The following STX11 variants were observed in gnomAD, a reference collection of about 807,000 sequenced individuals.
STX11 encodes syntaxin 11.
STX11 carries 21 observed loss-of-function variants against 19.9 expected under a neutral mutation model. That is an observed-to-expected ratio of 1.06 (90% confidence interval 0.75 to 1.52). The LOEUF (loss-of-function observed/expected upper bound fraction) is 1.52, where lower values mean the gene tolerates loss of function less well. STX11 is among the 40% of genes most tolerant of loss of function. The pLI is 0.00. For missense variants in STX11, 438 were observed against 405.9 expected (o/e 1.08, Z -0.68); for synonymous variants, 193 against 174.4 (o/e 1.11, Z -0.84).
At chr6:144,143,618 C>T in the STX11 span, among the ~76,000 whole-genome samples, 1 of 152,160 alleles carries the variant, frequency 6.6e-6, no homozygotes, top group African/African-American at 2.4e-5. Flanking sequence ...TCATTCCCTG[C>T]CCCTGTCCTC....
upstream of STX11, among the ~76,000 whole-genome samples, chr6:144,147,306 A>C (rs1800894095): frequency 6.6e-6 from 1 of 152,084 alleles, no homozygotes; most frequent in East Asian, 1.9e-4. This position sits in a 1 kb window ranked among gnomAD's most constrained non-coding sequence, Gnocchi z 4.2. Context: ...CAAGCTCACC[A>C]CTGACCTCCA....
At chr6:144,141,159 A>G in the STX11 span, among the ~76,000 whole-genome samples, 7 of 152,250 alleles carry the variant, frequency 4.6e-5, no homozygotes, top group Non-Finnish European at 8.8e-5. Flanking sequence ...AGTTGCAGAA[A>G]AATTGGTTTC....
rs1270968464 is a variant in STX11, at chr6:144,160,491, T to A, written c.-6+9788T>A. On this transcript the variant is annotated intron_variant, in intron 1 of 1. Transcript: ENST00000367568. The surrounding 1 kb of genome is among the most constrained non-coding windows in gnomAD (Gnocchi z 4.3). ...AATATATAAGTTAACAGGCAAATCT[T>A]GGGTTGAAAAAGTACCAGATTCGTT... 6.6e-6 allele frequency among the ~76,000 whole-genome samples: 1 copy of A among 152,208 alleles called. No homozygotes were observed. Among genetic ancestry groups the A allele is most frequent in the Admixed American group, 6.5e-5 (1 of 15,280 alleles).
chr6:144,187,692 T>C lies in STX11; in HGVS notation c.*201T>C. 1 of 690,084 alleles carries C rather than the reference T, an allele frequency of 1.4e-6. No individual in the cohort carries two copies. Among genetic ancestry groups the C allele is most frequent in the South Asian group, 1.9e-5 (1 of 52,626 alleles). The allele number at this position is 690,084 out of a possible 1,614,324, so 42.7% of individuals were successfully genotyped here. ...GTTAGTTGATACCGTCCGATGATTCTTCAGTAAAGATAGATTCCCACAAAG... is the reference window on the plus strand; with the variant it reads ...GTTAGTTGATACCGTCCGATGATTCCTCAGTAAAGATAGATTCCCACAAAG... On this transcript the variant is annotated 3_prime_UTR_variant, in exon 2 of 2. Coordinates refer to ENST00000367568, the MANE Select transcript of STX11 (RefSeq NM_003764.4). This position sits in a 1 kb window ranked among gnomAD's most constrained non-coding sequence, Gnocchi z 5.6.
At chr6:144,166,708 T>C (rs1801490850) in intron 1 of STX11, among the ~76,000 whole-genome samples, 1 of 152,016 alleles carries the variant, frequency 6.6e-6, no homozygotes, top group Non-Finnish European at 1.5e-5. Flanking sequence ...GTATTTTTAG[T>C]AGACCCGGGA....
chr6:144,187,501 C>G lies in STX11; in HGVS notation c.*10C>G. The G allele has an allele frequency of 6.2e-7, 1 of 1,611,596 alleles. No individual in the cohort carries two copies. Among genetic ancestry groups the G allele is most frequent in the Admixed American group, 1.7e-5 (1 of 60,014 alleles). On this transcript the variant is annotated 3_prime_UTR_variant, in exon 2 of 2. Transcript: ENST00000367568. This position sits in a 1 kb window ranked among gnomAD's most constrained non-coding sequence, Gnocchi z 5.6. ...TCCCTGCCTCAAGTAGCAGGCCGGC[C>G]CGGGCCGCCACCGCCCATCCCAGAC...
rs1801305275 is a variant in STX11 at position 144,160,409 on chromosome 6, C to T, written c.-6+9706C>T. 6.6e-6 allele frequency among the ~76,000 whole-genome samples: 1 copy of T among 152,098 alleles called. No homozygotes were observed. The highest frequency in any genetic ancestry group is 6.6e-5 in the Admixed American group (1 of 15,266). ...TTTTAACTTTTGAAGCTTTGCAGCT[C>T]TTCTGCTGCAATTTATTTACATTTA... On this transcript the variant is annotated intron_variant, in intron 1 of 1. Coordinates refer to ENST00000367568, the MANE Select transcript of STX11 (RefSeq NM_003764.4). The surrounding 1 kb of genome is among the most constrained non-coding windows in gnomAD (Gnocchi z 4.3).
rs926966136 is a variant in STX11 at position 144,180,888 on chromosome 6, T to A, written c.-5-5735T>A. Among the ~76,000 whole-genome samples the A allele has an allele frequency of 1.3e-5, 2 of 152,244 alleles. No homozygotes were observed. Among genetic ancestry groups the A allele is most frequent in the African/African-American group, 4.8e-5 (2 of 41,468 alleles). On this transcript the variant is annotated intron_variant, in intron 1 of 1. Transcript: ENST00000367568. This position sits in a 1 kb window ranked among gnomAD's most constrained non-coding sequence, Gnocchi z 5.3. ...ATATTTAACTAATAGAATATCACCA[T>A]CCTTCCTTGTTCCCTGTGAATGCTA...
At chr6:144,147,600 C>T (rs576751932), upstream of STX11, among the ~76,000 whole-genome samples, 1 of 152,180 alleles carries the variant, frequency 6.6e-6, no homozygotes, top group Non-Finnish European at 1.5e-5. This position sits in a 1 kb window ranked among gnomAD's most constrained non-coding sequence, Gnocchi z 4.2. Flanking sequence ...ATACCACCAT[C>T]CCAGACTCAC....
At chr6:144,146,697 C>G (rs1436685473), upstream of STX11, among the ~76,000 whole-genome samples, 2 of 152,164 alleles carry the variant, frequency 1.3e-5, no homozygotes, top group Non-Finnish European at 2.9e-5. The surrounding 1 kb of genome is among the most constrained non-coding windows in gnomAD (Gnocchi z 4.4). Context: ...GCTGGGACAA[C>G]AGGCATGCAC....
chr6:144,143,098 C>A, the STX11 span, among the ~76,000 whole-genome samples: 4 of 152,138 alleles, frequency 2.6e-5, no homozygotes, highest in Admixed American at 2.6e-4. Context: ...TTTATTTCTA[C>A]ATTTTATGTA....
At chr6:144,181,824 A>C (rs1245611991) in intron 1 of STX11, among the ~76,000 whole-genome samples, 2 of 152,110 alleles carry the variant, frequency 1.3e-5, no homozygotes, top group African/African-American at 4.8e-5. Flanking sequence ...TTTCTCTTAC[A>C]CAAAACTTTA....
chr6:144,186,782 AGGAT>A lies in STX11; in HGVS notation c.157_160del (p.Asp53LysfsTer9), dbSNP rs765287715. The A allele has an allele frequency of 1.9e-6, 3 of 1,614,008 alleles. No homozygotes were observed. The Admixed American group carries it at 5.0e-5, about 27-fold the overall frequency. The stretch of plus-strand genomic sequence containing the variant: ...CTGTACCGAGACATCCGGGACATTC[AGGAT>A]GAAAACCAGCTGCTGGTGGCCGACG... On this transcript the variant is annotated frameshift_variant, in exon 2 of 2. Coordinates refer to ENST00000367568, the MANE Select transcript of STX11 (RefSeq NM_003764.4). LOFTEE classifies it high-confidence loss of function.
chr6:144,188,190 TCA>T lies in STX11; in HGVS notation c.*700_*701del, dbSNP rs1247416733. On this transcript the variant is annotated 3_prime_UTR_variant, in exon 2 of 2. Coordinates refer to ENST00000367568, the MANE Select transcript of STX11 (RefSeq NM_003764.4). The stretch of plus-strand genomic sequence containing the variant: ...TCGAACAAGCACTCAAATTGAAGTA[TCA>T]GTCATGTTTTGTGTATTTTTCGCTG... 1 of 237,202 alleles carries T rather than the reference TCA, an allele frequency of 4.2e-6. No individual in the cohort carries two copies. Among genetic ancestry groups the T allele is most frequent in the Non-Finnish European group, 8.9e-6 (1 of 111,806 alleles). The allele number at this position is 237,202 out of a possible 1,614,324, so 14.7% of individuals were successfully genotyped here.
rs774127177 is a variant in STX11 at position 144,182,141 on chromosome 6, C to T, written c.-5-4482C>T. 2.0e-5 allele frequency among the ~76,000 whole-genome samples: 3 copies of T among 152,324 alleles called. No individual in the cohort carries two copies. Among genetic ancestry groups the T allele is most frequent in the Non-Finnish European group, 4.4e-5 (3 of 68,026 alleles). On this transcript the variant is annotated intron_variant, in intron 1 of 1. Transcript: ENST00000367568. The surrounding 1 kb of genome is among the most constrained non-coding windows in gnomAD (Gnocchi z 4.8). The stretch of plus-strand genomic sequence containing the variant: ...TACCATAGTTCTCTTTCTAGGAACT[C>T]ATAGTACAGAATCAAGCTATGGGAT...
At chr6:144,143,834 G>T in the STX11 span, among the ~76,000 whole-genome samples, 5 of 152,132 alleles carry the variant, frequency 3.3e-5, no homozygotes, top group African/African-American at 9.7e-5. Context: ...TATGGTAACA[G>T]GTGTTTACAA....
the STX11 span, among the ~76,000 whole-genome samples, chr6:144,140,250 A>AT: frequency 6.8e-5 from 3 of 43,892 alleles, no homozygotes; most frequent in African/African-American, 5.0e-4. Context: ...ATATATATAT[A>AT]TATATTTATT....
At position 144,167,408 on chromosome 6, in the gene STX11, C is replaced by G. The variant is rs1801511870; in HGVS notation, c.-6+16705C>G. Among the ~76,000 whole-genome samples the G allele has an allele frequency of 6.6e-6, 1 of 152,024 alleles. No individual in the cohort carries two copies. Among genetic ancestry groups the G allele is most frequent in the Admixed American group, 6.6e-5 (1 of 15,256 alleles). On this transcript the variant is annotated intron_variant, in intron 1 of 1. Coordinates refer to ENST00000367568, the MANE Select transcript of STX11 (RefSeq NM_003764.4). This position sits in a 1 kb window ranked among gnomAD's most constrained non-coding sequence, Gnocchi z 5.0. The stretch of plus-strand genomic sequence containing the variant: ...ACACGAAATTTATGTTTCATATATA[C>G]CTATACACATAGCCTGAAGATAATT...
chr6:144,164,355 ATACTC>A (rs1316427366), intron 1 of STX11, among the ~76,000 whole-genome samples: 1 of 152,244 alleles, frequency 6.6e-6, no homozygotes, highest in Non-Finnish European at 1.5e-5. Flanking sequence ...ATGATAAAGA[ATACTC>A]AACATAAGTA....
Sources: gnomAD v4.1 joint callset for allele counts (sites outside exome capture counted in the v4.1 genomes callset) on GRCh38, gnomAD v4.1.1 for gene constraint, Gnocchi (gnomAD v3.1) non-coding constraint, MANE v1.5 for transcripts, NCBI Gene and HGNC (gene_info 2026-07-23, HGNC 2026-07-21) for gene names.